SCAF4: variants seen among roughly 807,000 people sequenced by gnomAD.
The protein encoded by SCAF4 is SR-related and CTD-associated factor 4.
Under a neutral mutation model 129.8 loss-of-function variants are expected in SCAF4, and 25 were observed. The ratio of observed to expected loss-of-function variants is 0.19; its 90% CI spans 0.14 to 0.27. The LOEUF is 0.27. Among genes scored for constraint, SCAF4 ranks in the 10% least tolerant of loss-of-function variants. The pLI is 1.00. For missense variants in SCAF4, 1,246 were observed against 1,457.1 expected (o/e 0.86, Z 2.36); for synonymous variants, 551 against 497.7 (o/e 1.11, Z -1.43).
chr21:31,693,570 A>C, intron 11 of SCAF4, 86 bp from the exon 12 acceptor site: 2 of 837,512 alleles, frequency 2.4e-6, no homozygotes, highest in Non-Finnish European at 3.3e-6. Context: ...ACAGAACAAA[A>C]ACTAGGTAAT....
In SCAF4 at chr21:31,671,661, C is replaced by G. The variant is rs1329171393; in HGVS notation, c.3182G>C (p.Arg1061Thr). Residue 1061 changes from arginine to threonine, a missense_variant, in exon 20 of 20, where the codon AGA (arginine) becomes ACA (threonine). This residue lies in a region of SCAF4 where 339 missense variants were observed against 325.0 expected (regional missense o/e 1.04). Coordinates refer to ENST00000286835, the MANE Select transcript of SCAF4 (RefSeq NM_020706.2). ...RRSSGHRDRE[R>T]DSRDRESRRE... ...ACGAGACTCTCTATCTCTAGAATCT[C>G]TCTCTCTGTCTCGATGCCCACTAGA... 6.2e-7 allele frequency: 1 copy of G among 1,614,080 alleles called. No homozygotes were observed. Among genetic ancestry groups the G allele is most frequent in the Non-Finnish European group, 8.5e-7 (1 of 1,179,952 alleles).
At chr21:31,690,361 T>C (rs1601204151) in intron 15 of SCAF4, among the ~76,000 whole-genome samples, 1 of 152,250 alleles carries the variant, frequency 6.6e-6, no homozygotes, top group East Asian at 1.9e-4. Context: ...GGCACGCGCC[T>C]GTAGTCCCAG....
At chr21:31,726,245 C>G (rs559931018) in intron 1 of SCAF4, among the ~76,000 whole-genome samples, 1 of 152,248 alleles carries the variant, frequency 6.6e-6, no homozygotes, top group South Asian at 2.1e-4. Context: ...CGGGGTTTCA[C>G]CGTGTTAGCC....
intron 1 of SCAF4, among the ~76,000 whole-genome samples, chr21:31,725,617 G>A (rs1026774272): frequency 3.3e-5 from 5 of 152,116 alleles, no homozygotes; most frequent in Non-Finnish European, 5.9e-5. Context: ...AGTAATCCAA[G>A]GACCTCTGAG....
chr21:31,693,539 T>A, intron 11 of SCAF4, 55 bp from the exon 12 acceptor site: 1 of 1,161,448 alleles, frequency 8.6e-7, no homozygotes, highest in Non-Finnish European at 1.2e-6. Flanking sequence ...AACCAGAAAA[T>A]ATAAGCACAT....
chr21:31,694,839 G>GT lies in SCAF4; in HGVS notation c.1209dup (p.Pro404ThrfsTer22). On this transcript the variant is annotated frameshift_variant, in exon 10 of 20. Coordinates refer to ENST00000286835, the MANE Select transcript of SCAF4 (RefSeq NM_020706.2). LOFTEE classifies it high-confidence loss of function. Reference sequence around the variant, plus strand: ...TGCTGATGCGGCTTCTGTGTAAGTGGTTCATTTTGTGCCTGAAAAGAAGCT... The same window carrying GT: ...TGCTGATGCGGCTTCTGTGTAAGTGGTTTCATTTTGTGCCTGAAAAGAAGCT... The GT allele has an allele frequency of 6.2e-7, 1 of 1,614,180 alleles. No individual in the cohort carries two copies. Among genetic ancestry groups the GT allele is most frequent in the Non-Finnish European group, 8.5e-7 (1 of 1,180,000 alleles).
chr21:31,723,640 G>A (rs556895625), intron 1 of SCAF4, among the ~76,000 whole-genome samples: 18 of 151,574 alleles, frequency 1.2e-4, no homozygotes, highest in South Asian at 1.0e-3. Context: ...GCGCGCGCGC[G>A]CGCGCGCACA....
At chr21:31,690,721 G>GA (rs1568835542) in intron 15 of SCAF4, 76 bp downstream of exon 15, 1 of 1,360,616 alleles carries the variant, frequency 7.3e-7, no homozygotes, top group Non-Finnish European at 1.0e-6. Context: ...CTAATGCAAG[G>GA]AACAGGACAT....
chr21:31,709,999 T>G (rs1471050342), intron 1 of SCAF4, among the ~76,000 whole-genome samples: 1 of 151,810 alleles, frequency 6.6e-6, no homozygotes, highest in Non-Finnish European at 1.5e-5. Flanking sequence ...ACTAAATTTG[T>G]GCAGAGACCA....
intron 7 of SCAF4, among the ~76,000 whole-genome samples, chr21:31,698,935 G>A (rs562995356): frequency 6.6e-6 from 1 of 152,260 alleles, no homozygotes; most frequent in East Asian, 1.9e-4. Flanking sequence ...GACAGATGCA[G>A]ATGTAGATTC....
chr21:31,683,789 C>A (rs2050051146), intron 19 of SCAF4, among the ~76,000 whole-genome samples: 1 of 152,026 alleles, frequency 6.6e-6, no homozygotes, highest in Non-Finnish European at 1.5e-5. Flanking sequence ...GATATGACTT[C>A]CATTGGAAGG....
intron 3 of SCAF4, 84 bp from the exon 4 acceptor site, chr21:31,704,010 T>C (rs1410174356): frequency 1.3e-6 from 1 of 791,834 alleles, no homozygotes; most frequent in Non-Finnish European, 2.0e-6. Context: ...ATGAAACTTT[T>C]ATATATCCAT....
At chr21:31,731,419 G>A (rs1440448638) in intron 1 of SCAF4, among the ~76,000 whole-genome samples, 13 of 152,226 alleles carry the variant, frequency 8.5e-5, no homozygotes, top group African/African-American at 3.1e-4. Flanking sequence ...GCAAGGGGGC[G>A]AGGGGAGAAG....
At chr21:31,697,569 AG>A (rs2050418858) in intron 7 of SCAF4, among the ~76,000 whole-genome samples, 1 of 152,224 alleles carries the variant, frequency 6.6e-6, no homozygotes, top group Non-Finnish European at 1.5e-5. Flanking sequence ...TGCGGACACT[AG>A]TCCTTTTGAC....
intron 19 of SCAF4, among the ~76,000 whole-genome samples, chr21:31,675,702 G>A (rs112162132): frequency 4.9e-4 from 75 of 152,278 alleles, no homozygotes; most frequent in African/African-American, 1.7e-3. Context: ...TCAAATTTGG[G>A]AAGTATGGAA....
intron 16 of SCAF4, among the ~76,000 whole-genome samples, 180 bp downstream of exon 16, chr21:31,688,114 CAAAAAAAAAAAAA>C (rs61592268): frequency 3.9e-3 from 42 of 10,908 alleles, no homozygotes; most frequent in East Asian, 0.029. Context: ...GACTCTGTCT[CAAAAAAAAAAAAA>C]AAAAAAAAAA....
At chr21:31,724,557 A>G (rs1231888231) in intron 1 of SCAF4, among the ~76,000 whole-genome samples, 1 of 152,244 alleles carries the variant, frequency 6.6e-6, no homozygotes, top group Non-Finnish European at 1.5e-5. Flanking sequence ...TTACTGATGT[A>G]ACATTTTTTC....
Position 31,731,791 on chromosome 21 carries a change from G to T in SCAF4, c.-99C>A, listed in dbSNP as rs922254247. The T allele has an allele frequency of 1.5e-6, 2 of 1,367,806 alleles. No individual in the cohort carries two copies. Among genetic ancestry groups the T allele is most frequent in the African/African-American group, 1.5e-5 (1 of 66,276 alleles). 84.7% of individuals were successfully genotyped at this position (1,367,806 alleles called of 1,614,324 possible). A position where few individuals can be genotyped will look rare whatever the true frequency, so the allele number is the denominator to read the frequency against. ...GAAACCAGCCGGGCCTGGTGGCCGGGGGGAGGCGACGAGCGGCGGAGTCCG... is the reference window on the plus strand; with the variant it reads ...GAAACCAGCCGGGCCTGGTGGCCGGTGGGAGGCGACGAGCGGCGGAGTCCG... On this transcript the variant is annotated 5_prime_UTR_variant, in exon 1 of 20. Transcript: ENST00000286835.
chr21:31,706,129 C>CT (rs2050656676), intron 2 of SCAF4, 145 bp downstream of exon 2: 2 of 646,620 alleles, frequency 3.1e-6, no homozygotes, highest in African/African-American at 3.7e-5. Flanking sequence ...CAAATGCACG[C>CT]TTATCATGTA....
Sources: allele counts gnomAD v4.1 joint callset (sites outside exome capture counted in the v4.1 genomes callset), GRCh38; gene constraint gnomAD v4.1.1; regional missense constraint gnomAD v4.1.1; transcripts MANE v1.5; gene names NCBI Gene and HGNC (gene_info 2026-07-23, HGNC 2026-07-21).